IRF3: variants seen among roughly 807,000 people sequenced by gnomAD.
The protein encoded by IRF3 is interferon regulatory factor 3.
A neutral mutation model predicts 43.2 loss-of-function variants in IRF3; 29 were observed. The observed-to-expected ratio is 0.67, with a 90% CI of 0.50 to 0.91. The LOEUF (loss-of-function observed/expected upper bound fraction) is 0.91. Among genes scored for constraint, IRF3 ranks in the 40% least tolerant of loss-of-function variants. The pLI is 0.00. For missense variants in IRF3, 505 were observed against 559.1 expected (o/e 0.90, Z 0.98); for synonymous variants, 228 against 233.9 (o/e 0.97, Z 0.23).
chr19:49,665,000 C>T (rs2081598717), intron 1 of IRF3, 154 bp from the exon 2 acceptor site: 1 of 733,584 alleles, frequency 1.4e-6, no homozygotes, highest in Non-Finnish European at 2.2e-6. Context: ...TCTTCCCATC[C>T]TCCCATCCTC....
rs561732284 is a variant in IRF3, at chr19:49,664,496, C to T, written c.165+178G>A. 3.8e-6 allele frequency: 6 copies of T among 1,560,158 alleles called. No individual in the cohort carries two copies. In the East Asian group the frequency reaches 7.1e-5, roughly 18 times the overall value. On this transcript the variant is annotated intron_variant, in intron 2 of 7. Transcript: ENST00000377139. ...CTGCAGCTCCAACCCTGCTTGCGCC[C>T]CACCATCAGTCAGCGGATCCGGCTA...
At chr19:49,661,856 G>C in intron 6 of IRF3, 92 bp downstream of exon 6, 1 of 1,466,872 alleles carries the variant, frequency 6.8e-7, no homozygotes, top group Non-Finnish European at 9.2e-7. Flanking sequence ...TGGGACTACA[G>C]GCGTGAGCCA....
chr19:49,661,171 T>C (rs2081311318), intron 6 of IRF3, among the ~76,000 whole-genome samples: 1 of 152,216 alleles, frequency 6.6e-6, no homozygotes, highest in Non-Finnish European at 1.5e-5. Flanking sequence ...CCATTAGTCA[T>C]GTAAGGTTAT....
chr19:49,663,542 G>A, intron 2 of IRF3, 28 bp from the exon 3 acceptor site: 1 of 1,610,968 alleles, frequency 6.2e-7, no homozygotes, highest in Non-Finnish European at 8.5e-7. Context: ...TCAGGATGGT[G>A]GGGGAGGACG....
At position 49,659,777 on chromosome 19, in the gene IRF3, G is replaced by A. The variant is rs1228250930; in HGVS notation, c.1155C>T (p.Ser385=). The A allele has an allele frequency of 6.2e-7, 1 of 1,612,688 alleles. No homozygotes were observed. Among genetic ancestry groups the A allele is most frequent in the East Asian group, 2.2e-5 (1 of 44,850 alleles). ...GCAGGTCCACAGTATTCTCCAGGGA[G>A]GAGGCACCCCCTACCCGGGCCATTT... ...LVEMARVGGA[S]SLENTVDLHI... is the part of the protein sequence containing the mutation. The change falls in exon 8 of 8, where the codon TCC becomes TCT. Residue 385 remains serine (S), a synonymous_variant. Transcript: ENST00000377139.
At position 49,665,619 on chromosome 19, in the gene IRF3, C is replaced by T. The variant is rs2081681719; in HGVS notation, c.-9+12G>A. ...GACGCCACCAACGCTCTCCCGGGCTCTTCCGCGTTACCTACGATGGAAGGT... is the reference window on the plus strand; with the variant it reads ...GACGCCACCAACGCTCTCCCGGGCTTTTCCGCGTTACCTACGATGGAAGGT... On this transcript the variant is annotated intron_variant, in intron 1 of 7. Coordinates refer to ENST00000377139, the MANE Select transcript of IRF3 (RefSeq NM_001571.6). 4 of 633,234 alleles carry T rather than the reference C, an allele frequency of 6.3e-6. No homozygotes were observed. Among genetic ancestry groups the T allele is most frequent in the East Asian group, 5.7e-5 (2 of 35,080 alleles). 39.2% of individuals were successfully genotyped at this position (633,234 alleles called of 1,614,324 possible).
intron 1 of IRF3, chr19:49,665,104 C>T: frequency 4.3e-6 from 2 of 463,178 alleles, no homozygotes; most frequent in Non-Finnish European, 7.8e-6. Flanking sequence ...TCCCTCAATT[C>T]CGCCAGTATA....
At position 49,664,353 on chromosome 19, in the gene IRF3, G is replaced by A. The variant is rs2081525582; in HGVS notation, c.165+321C>T. The A allele has an allele frequency of 6.1e-6, 6 of 982,662 alleles. No homozygotes were observed. The South Asian group carries it at 8.1e-5, about 13-fold the overall frequency. The allele number at this position is 982,662 out of a possible 1,614,324, so 60.9% of individuals were successfully genotyped here. On this transcript the variant is annotated intron_variant, in intron 2 of 7. Transcript: ENST00000377139. ...CCAGGCCTCACCTCTGATGTTTCAA[G>A]AACCATCCCCCAGTATCTATCCTAC... is the stretch of plus-strand genomic sequence containing the variant.
intron 7 of IRF3, 151 bp from the exon 8 acceptor site, chr19:49,659,984 T>TACACACACACACACACACACACACAC (rs5828408): frequency 3.7e-5 from 12 of 323,994 alleles, no homozygotes; most frequent in East Asian, 1.6e-4. Flanking sequence ...GTTGTAGTTT[T>TACACACACACACACACACACACACAC]ACACACACAC....
At chr19:49,663,148 G>T in intron 4 of IRF3, 40 bp downstream of exon 4, 2 of 1,549,464 alleles carry the variant, frequency 1.3e-6, no homozygotes, top group Non-Finnish European at 1.8e-6. Flanking sequence ...ATGGAGACAG[G>T]TCGGAGACTG....
At chr19:49,664,518 GCTAGCCCCGCCCCTCCCGTT>G (rs760766138) in intron 2 of IRF3, 136 bp downstream of exon 2, 35 of 1,581,862 alleles carry the variant, frequency 2.2e-5, no homozygotes, top group South Asian at 3.4e-5. Context: ...AGCGGATCCG[GCTAGCCCCGCCCCTCCCGTT>G]CTAGCCCCAC....
intron 4 of IRF3, 37 bp downstream of exon 4, chr19:49,663,151 G>A (rs2081424411): frequency 7.7e-6 from 12 of 1,562,132 alleles, no homozygotes; most frequent in South Asian, 4.4e-5. Flanking sequence ...GAGACAGGTC[G>A]GAGACTGAGG....
Position 49,663,323 on chromosome 19 carries a change from C to T in IRF3, c.337+20G>A. The T allele has an allele frequency of 4.3e-6, 7 of 1,614,126 alleles. No homozygotes were observed. The highest frequency in any genetic ancestry group is 1.6e-4 in the Middle Eastern group (1 of 6,062). On this transcript the variant is annotated intron_variant, in intron 3 of 7. Transcript: ENST00000377139. ...ACCCTTGGGGCCCCAGCCTCCCACA[C>T]GAACCCCAAGCTGGCAGACCTGAGT...
In IRF3 at chr19:49,665,671, C is replaced by T. The variant is rs761849920; in HGVS notation, c.-49G>A. 3.7e-6 allele frequency: 4 copies of T among 1,067,076 alleles called. No homozygotes were observed. The highest frequency in any genetic ancestry group is 1.6e-5 in the South Asian group (1 of 61,956). The allele number at this position is 1,067,076 out of a possible 1,614,324, so 66.1% of individuals were successfully genotyped here. ...GGGGCGTGCGGGCAGCTGGAACCCA[C>T]CCCTGTCTTGGAGCTCCGGGTAGCT... is the stretch of plus-strand genomic sequence containing the variant. On this transcript the variant is annotated 5_prime_UTR_variant, in exon 1 of 8. The change creates a new upstream start codon in the 5' untranslated region. Transcript: ENST00000377139.
intron 6 of IRF3, 26 bp from the exon 7 acceptor site, chr19:49,660,854 G>A (rs1445232335): frequency 6.4e-7 from 1 of 1,569,128 alleles, no homozygotes; most frequent in Non-Finnish European, 8.6e-7. Context: ...CCTAGTCAGG[G>A]ATGAGAAGAG....
Position 49,662,501 on chromosome 19 carries a change from G to A in IRF3, c.525C>T (p.Ser175=), listed in dbSNP as rs1445432521. 1.3e-6 allele frequency: 2 copies of A among 1,569,102 alleles called. No homozygotes were observed. The highest frequency in any genetic ancestry group is 1.7e-6 in the Non-Finnish European group (2 of 1,160,248). ...EPCPQPLRSP[S]LDNPTPFPNL... is the part of the protein sequence containing the mutation. ...TTGGGAAGGGAGTGGGATTGTCCAA[G>A]CTGGGGCTCCGCAGGGGCTGAGGGC... The change falls in exon 5 of 8, where the codon AGC becomes AGT. Residue 175 remains serine, a synonymous_variant. Transcript: ENST00000377139.
rs777283903 is a variant in IRF3, at chr19:49,664,842, C to A, written c.-4G>T. ...TCCGTGGCTTTGGGGTTCCCATGGT[C>A]CGGCCTGCGCGTATAGGGCATTTCC... is the stretch of plus-strand genomic sequence containing the variant. On this transcript the variant is annotated 5_prime_UTR_variant, in exon 2 of 8. Coordinates refer to ENST00000377139, the MANE Select transcript of IRF3 (RefSeq NM_001571.6). 1 of 1,610,180 alleles carries A rather than the reference C, an allele frequency of 6.2e-7. No individual in the cohort carries two copies. The highest frequency in any genetic ancestry group is 8.5e-7 in the Non-Finnish European group (1 of 1,178,036).
Position 49,659,640 on chromosome 19 carries a change from G to C in IRF3, c.*8C>G, listed in dbSNP as rs576101389. ...GGGGGTTGGAGGCACACCATGAGGA[G>C]CGAGGGCTCAGCTCTCCCCAGGGCC... On this transcript the variant is annotated 3_prime_UTR_variant, in exon 8 of 8. Coordinates refer to ENST00000377139, the MANE Select transcript of IRF3 (RefSeq NM_001571.6). 6.8e-6 allele frequency: 11 copies of C among 1,609,788 alleles called. No homozygotes were observed. Among genetic ancestry groups the C allele is most frequent in the Non-Finnish European group, 8.5e-6 (10 of 1,177,992 alleles).
chr19:49,664,453 G>T (rs748732994), intron 2 of IRF3: 2 of 1,516,904 alleles, frequency 1.3e-6, no homozygotes, highest in South Asian at 2.4e-5. Flanking sequence ...CGGCTTTCCC[G>T]GTTTTATTCC....
Sources: allele counts gnomAD v4.1 joint callset (sites outside exome capture counted in the v4.1 genomes callset), GRCh38; gene constraint gnomAD v4.1.1; transcripts MANE v1.5; gene names NCBI Gene and HGNC (gene_info 2026-07-23, HGNC 2026-07-21).